QRFPR: variants seen among roughly 807,000 people sequenced by gnomAD.
The protein encoded by QRFPR is pyroglutamylated RFamide peptide receptor.
In QRFPR, 37 loss-of-function variants were observed where a neutral mutation model predicts 31.3. That is an observed-to-expected ratio of 1.18 (90% CI 0.91 to 1.56). The LOEUF is 1.56. Ranked by LOEUF, QRFPR falls within the 40% of genes most tolerant of loss-of-function variation. QRFPR has a pLI of 0.00. For synonymous variants in QRFPR, 197 were observed against 192.0 expected (o/e 1.03, Z -0.22); for missense variants, 542 against 532.5 (o/e 1.02, Z -0.18).
intron 1 of QRFPR, among the ~76,000 whole-genome samples, chr4:121,342,381 A>T (rs1208980156): frequency 2.6e-5 from 4 of 151,864 alleles, no homozygotes. Flanking sequence ...TGAGTGAGCC[A>T]ATCCCTCATA....
In QRFPR at chr4:121,365,591, TATATATATATA is replaced by T. The variant is rs1560743977; in HGVS notation, c.340+14706_340+14716del. ...TATATATAATATATATTATATATAT[TATATATATATA>T]ATATATATATTATATATATTATATA... On this transcript the variant is annotated intron_variant, in intron 1 of 5. Coordinates refer to ENST00000394427, the MANE Select transcript of QRFPR (RefSeq NM_198179.3). Among the ~76,000 whole-genome samples the T allele has an allele frequency of 4.2e-3, 44 of 10,416 alleles. 5 individuals carry two copies. Among genetic ancestry groups the T allele is most frequent in the East Asian group, 0.024 (3 of 126 alleles). 6.8% of individuals were successfully genotyped at this position (10,416 alleles called of 152,430 possible).
At chr4:121,367,184 G>A (rs963447952) in intron 1 of QRFPR, among the ~76,000 whole-genome samples, 2 of 149,926 alleles carry the variant, frequency 1.3e-5, no homozygotes, top group Admixed American at 6.6e-5. Flanking sequence ...CTTAAATTAC[G>A]AGACAGAGGC....
chr4:121,353,837 C>T (rs1725812080), intron 1 of QRFPR, among the ~76,000 whole-genome samples: 1 of 151,934 alleles, frequency 6.6e-6, no homozygotes. Flanking sequence ...AGTTATTTTA[C>T]AGTTTTAGGT....
chr4:121,336,644 T>C (rs1385241606), intron 3 of QRFPR, among the ~76,000 whole-genome samples, 163 bp downstream of exon 3: 1 of 152,046 alleles, frequency 6.6e-6, no homozygotes, highest in Non-Finnish European at 1.5e-5. Flanking sequence ...ACAGAGAAAA[T>C]GAACCTTAAA....
chr4:121,335,832 G>A (rs1725424506), intron 3 of QRFPR, among the ~76,000 whole-genome samples: 1 of 152,078 alleles, frequency 6.6e-6, no homozygotes, highest in African/African-American at 2.4e-5. Flanking sequence ...TTTATTATCT[G>A]ACTGGAAGAG....
rs191831681 is a variant in QRFPR, at chr4:121,336,653, A to G, written c.561+154T>C. Among the ~76,000 whole-genome samples, 3 of 152,334 alleles carry G rather than the reference A, an allele frequency of 2.0e-5. No homozygotes were observed. The East Asian group carries it at 5.8e-4, about 29-fold the overall frequency. ...GATAAAACAGAGAAAATGAACCTTA[A>G]AAAATCATTTTATTCCACTTAAAAG... is the stretch of plus-strand genomic sequence containing the variant. On this transcript the variant is annotated intron_variant, in intron 3 of 5. Transcript: ENST00000394427.
chr4:121,375,405 T>C (rs1726331609), intron 1 of QRFPR, among the ~76,000 whole-genome samples: 1 of 152,192 alleles, frequency 6.6e-6, no homozygotes, highest in Admixed American at 6.5e-5. Flanking sequence ...AATGGAAACT[T>C]GGCTTTTCCA....
chr4:121,329,352 C>T lies in QRFPR; in HGVS notation c.1258G>A (p.Glu420Lys). Residue 420 changes from glutamate to lysine, a missense_variant, in exon 6 of 6, where the codon GAA (glutamate) becomes AAA (lysine). Glu to Lys is a moderately conservative substitution (Grantham distance 56, BLOSUM62 1). Transcript: ENST00000394427. ...LKRHLALFRSELAENSPLDSG... is the reference protein window; with the variant it reads ...LKRHLALFRSKLAENSPLDSG... ...TCTAAAGGAGAATTCTCAGCCAGTT[C>T]AGACCTAAAGAGAGCAAGATGTCGT... The T allele has an allele frequency of 6.2e-7, 1 of 1,613,764 alleles. No individual in the cohort carries two copies. The highest frequency in any genetic ancestry group is 1.1e-5 in the South Asian group (1 of 90,938).
chr4:121,354,490 A>C (rs920450026), intron 1 of QRFPR, among the ~76,000 whole-genome samples: 1 of 151,954 alleles, frequency 6.6e-6, no homozygotes, highest in Admixed American at 6.6e-5. Flanking sequence ...AGATCATATC[A>C]TCTGCAAACA....
chr4:121,346,970 C>T (rs189459866), intron 1 of QRFPR, among the ~76,000 whole-genome samples: 10 of 152,184 alleles, frequency 6.6e-5, no homozygotes, highest in Non-Finnish European at 1.2e-4. Context: ...AAGAGCTATT[C>T]GTTTGCAACT....
rs146820526 is a variant in QRFPR, at chr4:121,377,878, A to G, written c.340+2430T>C. Among the ~76,000 whole-genome samples, 191 of 152,222 alleles carry G rather than the reference A, an allele frequency of 1.3e-3. 1 individual carries two copies. The highest frequency in any genetic ancestry group is 4.0e-3 in the African/African-American group (166 of 41,530). On this transcript the variant is annotated intron_variant, in intron 1 of 5. Transcript: ENST00000394427. ...TTATGAATTAATTTTTGGCTCTTAG[A>G]TTACATTCTCTTGAACTTTGGTTAA...
intron 1 of QRFPR, among the ~76,000 whole-genome samples, chr4:121,345,576 C>T (rs1343673613): frequency 3.3e-5 from 5 of 152,202 alleles, no homozygotes; most frequent in Non-Finnish European, 5.9e-5. Context: ...AGTCCTACTA[C>T]TATAGTTTGC....
At chr4:121,380,185 A>AGGAGAGAGAGGGAG in intron 1 of QRFPR, 123 bp downstream of exon 1, 1 of 366,172 alleles carries the variant, frequency 2.7e-6, no homozygotes, top group Non-Finnish European at 4.7e-6. Context: ...CAGACGAGAG[A>AGGAGAGAGAGGGAG]GGAGAGAGAG....
At chr4:121,377,557 AC>A (rs909906169) in intron 1 of QRFPR, among the ~76,000 whole-genome samples, 57 of 151,820 alleles carry the variant, frequency 3.8e-4, no homozygotes, top group African/African-American at 1.4e-3. Flanking sequence ...CTTGGCACTG[AC>A]CCCTATTCCT....
At chr4:121,346,775 T>C (rs1013043244) in intron 1 of QRFPR, among the ~76,000 whole-genome samples, 3 of 152,236 alleles carry the variant, frequency 2.0e-5, no homozygotes, top group Non-Finnish European at 4.4e-5. Context: ...GTTTTCTTAA[T>C]TGGTGTAATC....
rs773550636 is a variant in QRFPR at position 121,362,424 on chromosome 4, G to T, written c.340+17884C>A. Among the ~76,000 whole-genome samples the T allele has an allele frequency of 2.0e-5, 3 of 150,070 alleles. No individual in the cohort carries two copies. The East Asian group carries it at 6.0e-4, about 30-fold the overall frequency. ...TAAAGTCTTTCTTTGGCATGTTGAC[G>T]TAAGAAAGGCAAAATCCCAGCAAGT... On this transcript the variant is annotated intron_variant, in intron 1 of 5. Coordinates refer to ENST00000394427, the MANE Select transcript of QRFPR (RefSeq NM_198179.3).
rs1725266038 is a variant in QRFPR at position 121,328,910 on chromosome 4, C to T, written c.*404G>A. The stretch of plus-strand genomic sequence containing the variant: ...AGCTGGGACTACAGGTGCCCGCCAC[C>T]ACGCCCGGCTAATTTTTGTATTTTT... On this transcript the variant is annotated 3_prime_UTR_variant, in exon 6 of 6. Coordinates refer to ENST00000394427, the MANE Select transcript of QRFPR (RefSeq NM_198179.3). Among the ~76,000 whole-genome samples, 1 of 152,130 alleles carries T rather than the reference C, an allele frequency of 6.6e-6. No individual in the cohort carries two copies. Among genetic ancestry groups the T allele is most frequent in the Non-Finnish European group, 1.5e-5 (1 of 68,042 alleles).
At chr4:121,362,788 C>G (rs1016418264) in intron 1 of QRFPR, among the ~76,000 whole-genome samples, 3 of 150,064 alleles carry the variant, frequency 2.0e-5, no homozygotes, top group African/African-American at 7.4e-5. Context: ...AGAATCTAGA[C>G]ACTACGAGAA....
intron 1 of QRFPR, among the ~76,000 whole-genome samples, chr4:121,347,276 A>G (rs185252672): frequency 6.6e-6 from 1 of 152,344 alleles, no homozygotes; most frequent in African/African-American, 2.4e-5. Flanking sequence ...ATAAAAAAGA[A>G]TAGGTGCCTG....
Sources: gnomAD v4.1 joint callset for allele counts (sites outside exome capture counted in the v4.1 genomes callset) on GRCh38, gnomAD v4.1.1 for gene constraint, MANE v1.5 for transcripts, NCBI Gene and HGNC (gene_info 2026-07-23, HGNC 2026-07-21) for gene names.